LIPI: variants seen among roughly 807,000 people sequenced by gnomAD.
LIPI encodes lipase member I.
A neutral mutation model predicts 50.6 loss-of-function variants in LIPI; 59 were observed. The observed-to-expected ratio is 1.16, with a 90% CI of 0.94 to 1.45. The LOEUF (loss-of-function observed/expected upper bound fraction) is 1.45, where lower values mean the gene tolerates loss of function less well. Ranked by LOEUF, LIPI falls within the 40% of genes most tolerant of loss-of-function variation. LIPI has a pLI of 0.00. For missense variants in LIPI, 586 were observed against 536.3 expected (o/e 1.09, Z -0.92); for synonymous variants, 203 against 178.2 (o/e 1.14, Z -1.11).
At chr21:14,160,116 T>A (rs535603647) in intron 7 of LIPI, among the ~76,000 whole-genome samples, 1 of 151,480 alleles carries the variant, frequency 6.6e-6, no homozygotes, top group African/African-American at 2.4e-5. Context: ...TTTGCAAATA[T>A]AGACAACGTT....
At position 14,181,823 on chromosome 21, in the gene LIPI, G is replaced by A. The variant is rs763651191; in HGVS notation, c.578C>T (p.Pro193Leu). 13 of 1,612,390 alleles carry A rather than the reference G, an allele frequency of 8.1e-6. No homozygotes were observed. Among genetic ancestry groups the A allele is most frequent in the Admixed American group, 5.0e-5 (3 of 59,840 alleles). The change falls in exon 4 of 10, where the codon CCA becomes CTA. Residue 193 changes from proline (P) to leucine (L), a missense_variant. By Grantham distance (98) the Pro-to-Leu change is moderately conservative. Transcript: ENST00000681601. ...CGTGTAATCTAATCTGCTATATGGT[G>A]GTTTTCTGGAGAACCTTGGCCCAGC... ...DPAGPRFSRK[P>L]PYSRLDYTDA...
chr21:14,156,774 T>C (rs1487922892), intron 7 of LIPI, among the ~76,000 whole-genome samples: 1 of 151,900 alleles, frequency 6.6e-6, no homozygotes, highest in African/African-American at 2.4e-5. Context: ...TTTCCTTGAA[T>C]AAATTGTTAG....
chr21:14,123,564 C>T (rs1053892947), intron 9 of LIPI, among the ~76,000 whole-genome samples: 1 of 152,084 alleles, frequency 6.6e-6, no homozygotes. Context: ...GAAGAAACAT[C>T]TTTACTCAGA....
At chr21:14,176,100 C>T (rs2019085600) in intron 4 of LIPI, among the ~76,000 whole-genome samples, 1 of 151,018 alleles carries the variant, frequency 6.6e-6, no homozygotes, top group African/African-American at 2.4e-5. Flanking sequence ...ATGGCGTGAA[C>T]CCGGGAGTTG....
At chr21:14,176,661 T>C (rs946282604) in intron 4 of LIPI, among the ~76,000 whole-genome samples, 5 of 145,128 alleles carry the variant, frequency 3.4e-5, no homozygotes, top group African/African-American at 1.3e-4. Flanking sequence ...TTCTACACTT[T>C]GAAATGTTTG....
intron 9 of LIPI, among the ~76,000 whole-genome samples, chr21:14,120,985 G>C (rs773531186): frequency 1.3e-5 from 2 of 152,216 alleles, no homozygotes; most frequent in Non-Finnish European, 2.9e-5. Context: ...AACAGGAGCA[G>C]TGCCATGTGA....
chr21:14,203,089 G>A (rs528855027), intron 1 of LIPI, among the ~76,000 whole-genome samples: 92 of 152,162 alleles, frequency 6.0e-4, no homozygotes, highest in Admixed American at 1.7e-3. Flanking sequence ...AAAAATGCTC[G>A]TCATCACTGG....
intron 9 of LIPI, among the ~76,000 whole-genome samples, chr21:14,117,592 G>T (rs1447697650): frequency 6.6e-6 from 1 of 152,160 alleles, no homozygotes; most frequent in Non-Finnish European, 1.5e-5. Flanking sequence ...CACTGGAAAG[G>T]TTTCAGAGGT....
chr21:14,112,971 G>A (rs1280307915), intron 9 of LIPI, among the ~76,000 whole-genome samples: 3 of 152,238 alleles, frequency 2.0e-5, no homozygotes, highest in African/African-American at 7.2e-5. Context: ...CCAATTCATA[G>A]TCCACTCGAT....
At chr21:14,200,298 G>A (rs1164864351) in intron 1 of LIPI, among the ~76,000 whole-genome samples, 1 of 152,060 alleles carries the variant, frequency 6.6e-6, no homozygotes, top group African/African-American at 2.4e-5. Context: ...AATAGGGAGA[G>A]AGGAAGATGA....
At chr21:14,170,409 A>C (rs941190836) in intron 4 of LIPI, among the ~76,000 whole-genome samples, 55 of 152,180 alleles carry the variant, frequency 3.6e-4, no homozygotes, top group Non-Finnish European at 5.3e-4. Flanking sequence ...GAGACACAAC[A>C]AAAAAAGAGA....
intron 1 of LIPI, among the ~76,000 whole-genome samples, chr21:14,209,810 A>G (rs116386229): frequency 0.012 from 1,812 of 152,140 alleles, 34 homozygotes; most frequent in African/African-American, 0.04. Flanking sequence ...TTAGGGGCCT[A>G]GACTTCAAAT....
At chr21:14,127,607 T>C (rs575632337) in intron 9 of LIPI, among the ~76,000 whole-genome samples, 2 of 152,284 alleles carry the variant, frequency 1.3e-5, no homozygotes, top group African/African-American at 4.8e-5. Flanking sequence ...AACACATGAA[T>C]AAGTAAAATA....
At chr21:14,168,345 A>G (rs2018767902) in intron 4 of LIPI, among the ~76,000 whole-genome samples, 1 of 152,204 alleles carries the variant, frequency 6.6e-6, no homozygotes, top group East Asian at 1.9e-4. Context: ...CAACATTCAG[A>G]TTCAGGAAAT....
At chr21:14,156,418 G>A (rs1017733872) in intron 7 of LIPI, among the ~76,000 whole-genome samples, 1 of 151,768 alleles carries the variant, frequency 6.6e-6, no homozygotes, top group Non-Finnish European at 1.5e-5. Flanking sequence ...GAATGAAAAG[G>A]CCACAAGCCA....
At chr21:14,204,077 G>A (rs2020155392) in intron 1 of LIPI, among the ~76,000 whole-genome samples, 1 of 151,980 alleles carries the variant, frequency 6.6e-6, no homozygotes, top group African/African-American at 2.4e-5. Flanking sequence ...CACACACTGG[G>A]CCCTGTTTGT....
At chr21:14,146,864 C>T (rs796256205) in intron 8 of LIPI, among the ~76,000 whole-genome samples, 7 of 140,712 alleles carry the variant, frequency 5.0e-5, no homozygotes, top group African/African-American at 1.9e-4. Context: ...CTGAAACCTC[C>T]ATCTCCCAGG....
At chr21:14,165,479 TAA>T in intron 5 of LIPI, 89 bp from the exon 6 acceptor site, 3 of 916,958 alleles carry the variant, frequency 3.3e-6, no homozygotes, top group Non-Finnish European at 5.2e-6. Context: ...GAAGTTTTGC[TAA>T]ATACTATGTA....
chr21:14,144,741 C>A lies in LIPI; in HGVS notation c.1177G>T (p.Asp393Tyr). Residue 393 changes from aspartate (D) to tyrosine (Y), a missense_variant, in exon 9 of 10, where the codon GAC (aspartate) becomes TAC (tyrosine). Physicochemically the swap from Asp to Tyr is radical, Grantham distance 160 (BLOSUM62 -3). Transcript: ENST00000681601. ...EVKILAQFYN[D>Y]FVNISSIGLT... ...CCAATGCTTGAAATATTTACAAAGT[C>A]ATTATAAAATTGAGCAAGAATCTTG... 1.3e-6 allele frequency: 2 copies of A among 1,579,846 alleles called. No homozygotes were observed. The highest frequency in any genetic ancestry group is 2.2e-5 in the East Asian group (1 of 44,574).
Sources: allele counts gnomAD v4.1 joint callset (sites outside exome capture counted in the v4.1 genomes callset), GRCh38; gene constraint gnomAD v4.1.1; transcripts MANE v1.5; gene names NCBI Gene and HGNC (gene_info 2026-07-23, HGNC 2026-07-21).